The following TPM3 variants were observed in gnomAD, a reference collection of about 807,000 sequenced individuals.
The protein encoded by TPM3 is tropomyosin 3.
TPM3 carries 16 observed loss-of-function variants against 43.1 expected under a neutral mutation model. That is an observed-to-expected ratio of 0.37 (90% confidence interval 0.25 to 0.56). TPM3 has a LOEUF of 0.56. Ranked by LOEUF, TPM3 falls within the 20% of genes least tolerant of loss-of-function variation. The pLI, the probability that TPM3 is intolerant of heterozygous loss-of-function variation, is 0.77. For missense variants in TPM3, 176 were observed against 337.2 expected, an observed-to-expected ratio of 0.52 and a Z score of 3.74; for synonymous variants, 101 against 116.9, an observed-to-expected ratio of 0.86 and a Z score of 0.88.
intron 9 of TPM3, among the ~76,000 whole-genome samples, chr1:154,168,714 C>T (rs1475003137): frequency 6.6e-6 from 1 of 152,134 alleles, no homozygotes. Flanking sequence ...TTAGTAGAGA[C>T]AGGGTTTTGC....
At chr1:154,184,347 A>G (rs115778762) in intron 2 of TPM3, among the ~76,000 whole-genome samples, 3,810 of 152,140 alleles carry the variant, frequency 0.025, 61 homozygotes, top group Middle Eastern at 0.041. Flanking sequence ...ATCATGCACC[A>G]AATTAACCAA....
intron 5 of TPM3, chr1:154,172,039 G>C: frequency 6.2e-7 from 1 of 1,614,008 alleles, no homozygotes. Context: ...CTTTTCTTCA[G>C]CAGCACTCAG....
chr1:154,182,878 C>T, intron 2 of TPM3: 1 of 1,556,662 alleles, frequency 6.4e-7, no homozygotes, highest in Non-Finnish European at 8.8e-7. Flanking sequence ...ACTTCATCTC[C>T]GAGCCCGCCG....
downstream of TPM3, among the ~76,000 whole-genome samples, chr1:154,160,784 A>C (rs926895911): frequency 3.3e-5 from 5 of 152,212 alleles, no homozygotes; most frequent in Non-Finnish European, 5.9e-5. Flanking sequence ...CAAATCTGAA[A>C]GTCCAAAATC....
At chr1:154,161,485 G>A (rs1039142097), downstream of TPM3, among the ~76,000 whole-genome samples, 42 of 147,460 alleles carry the variant, frequency 2.8e-4, 1 homozygote, top group Non-Finnish European at 1.9e-4. Flanking sequence ...GCCCAGGTTG[G>A]AGTGCAATGG....
intron 2 of TPM3, chr1:154,187,287 C>G (rs1663450639): frequency 1.0e-6 from 1 of 978,938 alleles, no homozygotes; most frequent in African/African-American, 1.8e-5. Context: ...ATTTACAAAA[C>G]CAGGCTGTTG....
At chr1:154,171,627 T>C in intron 5 of TPM3, 139 bp from the exon 6 acceptor site, 1 of 927,246 alleles carries the variant, frequency 1.1e-6, no homozygotes, top group South Asian at 1.4e-5. Flanking sequence ...TGTTCCCAAG[T>C]AACCTGAGCA....
chr1:154,174,445 A>C (rs1292137575), intron 3 of TPM3, among the ~76,000 whole-genome samples: 8 of 135,986 alleles, frequency 5.9e-5, no homozygotes, highest in Non-Finnish European at 1.3e-4. Context: ...CCAAAGTAAT[A>C]ATATACTAGA....
intron 2 of TPM3, among the ~76,000 whole-genome samples, chr1:154,183,457 T>C (rs930696067): frequency 3.3e-5 from 5 of 152,194 alleles, no homozygotes; most frequent in Non-Finnish European, 7.4e-5. Flanking sequence ...CCCGCCAGGC[T>C]GGCTGCCCAC....
chr1:154,162,800 G>A lies in TPM3; in HGVS notation c.*5137C>T, dbSNP rs1245423218. On this transcript the variant is annotated 3_prime_UTR_variant, in exon 10 of 10. Coordinates refer to ENST00000651641, the MANE Select transcript of TPM3 (RefSeq NM_152263.4). ...GTCCACTTTGGTACCCCAGTTTGTTGGTCTCTATCCTTGGCTCACACTAGT... is the reference window on the plus strand; with the variant it reads ...GTCCACTTTGGTACCCCAGTTTGTTAGTCTCTATCCTTGGCTCACACTAGT... Among the ~76,000 whole-genome samples, 4 of 152,088 alleles carry A rather than the reference G, an allele frequency of 2.6e-5. No homozygotes were observed. The highest frequency in any genetic ancestry group is 5.9e-5 in the Non-Finnish European group (4 of 68,016).
At chr1:154,183,241 G>A (rs894160610) in intron 2 of TPM3, 121 of 1,536,692 alleles carry the variant, frequency 7.9e-5, no homozygotes, top group Middle Eastern at 2.3e-4. Context: ...CAACCCGCCC[G>A]GATGTGACGT....
At chr1:154,177,980 C>T (rs1662525445) in intron 2 of TPM3, 1 of 211,032 alleles carries the variant, frequency 4.7e-6, no homozygotes, top group African/African-American at 2.4e-5. Flanking sequence ...TTCTCTGCTT[C>T]TGCCTCTTCC....
At chr1:154,170,798 A>T (rs999125383) in intron 6 of TPM3, 87 bp from the exon 7 acceptor site, 3 of 918,218 alleles carry the variant, frequency 3.3e-6, no homozygotes, top group Admixed American at 3.5e-5. Flanking sequence ...TACATTGAAT[A>T]TCCTCTTGCA....
At position 154,162,402 on chromosome 1, in the gene TPM3, G is replaced by A. The variant is rs1660479977; in HGVS notation, c.*5535C>T. 6.7e-6 allele frequency among the ~76,000 whole-genome samples: 1 copy of A among 150,134 alleles called. No individual in the cohort carries two copies. Among genetic ancestry groups the A allele is most frequent in the Non-Finnish European group, 1.5e-5 (1 of 67,728 alleles). ...AAAAAAAAACACAAACCAACCCCAT[G>A]GAGTTGGATAGTATTCAACCAACAC... On this transcript the variant is annotated 3_prime_UTR_variant, in exon 10 of 10. Coordinates refer to ENST00000651641, the MANE Select transcript of TPM3 (RefSeq NM_152263.4).
chr1:154,168,473 T>C (rs1214063801), intron 9 of TPM3, among the ~76,000 whole-genome samples: 2 of 152,130 alleles, frequency 1.3e-5, no homozygotes, highest in Non-Finnish European at 2.9e-5. Context: ...ATACAAAATA[T>C]AAAAATTACA....
chr1:154,157,319 A>G (rs1659911983), downstream of TPM3: 2 of 463,710 alleles, frequency 4.3e-6, no homozygotes, highest in Non-Finnish European at 4.0e-6. Context: ...ATGTTTTACA[A>G]ATGGTTGCTA....
chr1:154,175,647 CCT>C (rs1381974882), intron 3 of TPM3, among the ~76,000 whole-genome samples: 2 of 152,148 alleles, frequency 1.3e-5, no homozygotes, highest in Non-Finnish European at 1.5e-5. Context: ...ACTTAGAGAA[CCT>C]CTGTTTTAGA....
intron 3 of TPM3, 91 bp from the exon 4 acceptor site, chr1:154,173,292 C>T: frequency 9.8e-7 from 1 of 1,019,478 alleles, no homozygotes; most frequent in Non-Finnish European, 1.5e-6. Flanking sequence ...CTTTTAAAAG[C>T]CCACTCCTCT....
chr1:154,187,295 T>C, intron 2 of TPM3: 1 of 982,648 alleles, frequency 1.0e-6, no homozygotes, highest in South Asian at 4.7e-5. Flanking sequence ...AACCAGGCTG[T>C]TGCAAGATTT....
Sources: gnomAD v4.1 joint callset for allele counts (sites outside exome capture counted in the v4.1 genomes callset) on GRCh38, gnomAD v4.1.1 for gene constraint, MANE v1.5 for transcripts, NCBI Gene and HGNC (gene_info 2026-07-23, HGNC 2026-07-21) for gene names.